The following SGCD variants were observed in gnomAD, a reference collection of about 807,000 sequenced individuals.
SGCD encodes sarcoglycan delta, also known as delta-sarcoglycan.
Under a neutral mutation model 36.6 loss-of-function variants are expected in SGCD, and 18 were observed. That is an observed-to-expected ratio of 0.49 (90% CI 0.34 to 0.73). The LOEUF is 0.73. SGCD is among the 30% of genes least tolerant of loss of function. The probability of loss-of-function intolerance (pLI) is 0.01; values close to 1 mark genes in which losing one functional copy is unlikely to be tolerated. For missense variants in SGCD, 387 were observed against 346.7 expected (o/e 1.12, Z -0.92); for synonymous variants, 133 against 130.6 (o/e 1.02, Z -0.12).
At chr5:156,479,884 A>G (rs760046955) in intron 3 of SGCD, among the ~76,000 whole-genome samples, 2 of 152,172 alleles carry the variant, frequency 1.3e-5, no homozygotes, top group Non-Finnish European at 2.9e-5. Flanking sequence ...AACACTTTCC[A>G]TAAAGAAGTT....
chr5:155,945,980 G>T (rs1757428905), intron 1 of SGCD, among the ~76,000 whole-genome samples: 1 of 152,188 alleles, frequency 6.6e-6, no homozygotes, highest in Non-Finnish European at 1.5e-5. Flanking sequence ...GAGGTGGATG[G>T]ATCGGAGAGA....
intron 1 of SGCD, among the ~76,000 whole-genome samples, chr5:156,094,204 G>A (rs1051628290): frequency 6.6e-6 from 1 of 152,162 alleles, no homozygotes; most frequent in African/African-American, 2.4e-5. Context: ...GCAGCCTTGG[G>A]AAGGGTTGCT....
chr5:156,394,941 C>T (rs1362147004), intron 3 of SGCD, among the ~76,000 whole-genome samples: 1 of 152,202 alleles, frequency 6.6e-6, no homozygotes, highest in Non-Finnish European at 1.5e-5. Context: ...AATCATATTG[C>T]ACTGGTTACT....
At chr5:155,918,737 G>T (rs1352009500) in intron 1 of SGCD, among the ~76,000 whole-genome samples, 1 of 152,172 alleles carries the variant, frequency 6.6e-6, no homozygotes, top group Non-Finnish European at 1.5e-5. Context: ...ATTAGTGCCT[G>T]CCAATAGCCA....
upstream of SGCD, among the ~76,000 whole-genome samples, chr5:155,867,552 C>T (rs1477848345): frequency 2.6e-5 from 4 of 152,176 alleles, no homozygotes. Context: ...TGCAAAGATG[C>T]ATTCCCTGAG....
intron 3 of SGCD, among the ~76,000 whole-genome samples, chr5:156,298,056 T>G (rs1468622966): frequency 6.6e-6 from 1 of 152,140 alleles, no homozygotes; most frequent in Non-Finnish European, 1.5e-5. Flanking sequence ...TTTGTGTGAC[T>G]TATTTCACTT....
chr5:155,738,835 CTG>C, the SGCD span, among the ~76,000 whole-genome samples: 646 of 134,320 alleles, frequency 4.8e-3, 1 homozygote, highest in African/African-American at 0.015. Flanking sequence ...GTGTGTGAGA[CTG>C]TGAGAGAGTA....
intron 1 of SGCD, among the ~76,000 whole-genome samples, chr5:155,975,609 C>CCTTTTTTTTTTTTTTTT (rs1758096365): frequency 3.6e-5 from 1 of 28,008 alleles, no homozygotes; most frequent in Non-Finnish European, 6.9e-5. Context: ...TCTTTCTTTC[C>CCTTTTTTTTTTTTTTTT]TTTTTTTTTT....
chr5:156,551,510 T>C (rs1336334470), intron 4 of SGCD, among the ~76,000 whole-genome samples: 1 of 152,030 alleles, frequency 6.6e-6, no homozygotes, highest in African/African-American at 2.4e-5. Context: ...GGGCAGGGTT[T>C]TGCGGGGGCA....
At chr5:156,717,592 C>T (rs1755285875) in intron 7 of SGCD, among the ~76,000 whole-genome samples, 1 of 152,224 alleles carries the variant, frequency 6.6e-6, no homozygotes, top group African/African-American at 2.4e-5. Context: ...ACACAGCAAA[C>T]AGCTGCCTAC....
chr5:156,520,669 G>GTAC (rs1757360974), intron 4 of SGCD, among the ~76,000 whole-genome samples: 1 of 152,078 alleles, frequency 6.6e-6, no homozygotes, highest in South Asian at 2.1e-4. Flanking sequence ...AAACAGCATT[G>GTAC]TACTGGTTCA....
chr5:156,527,387 T>G (rs1300210749), intron 4 of SGCD, among the ~76,000 whole-genome samples: 1 of 152,230 alleles, frequency 6.6e-6, no homozygotes, highest in Non-Finnish European at 1.5e-5. Flanking sequence ...ACCTGGAGTT[T>G]GGCTATGAAT....
chr5:155,744,435 G>A, the SGCD span, among the ~76,000 whole-genome samples: 2 of 151,890 alleles, frequency 1.3e-5, no homozygotes, highest in African/African-American at 4.8e-5. Flanking sequence ...ACTCCAGCCT[G>A]GGCGACAGAG....
At chr5:156,348,845 C>T (rs538047200) in intron 3 of SGCD, among the ~76,000 whole-genome samples, 85 of 152,192 alleles carry the variant, frequency 5.6e-4, no homozygotes, top group Admixed American at 5.4e-3. Flanking sequence ...TACCGGACTT[C>T]AAATTATACT....
intron 3 of SGCD, among the ~76,000 whole-genome samples, chr5:156,176,751 G>C (rs1161790066): frequency 2.0e-5 from 3 of 151,904 alleles, no homozygotes; most frequent in Non-Finnish European, 4.4e-5. Flanking sequence ...AAAAATTGTT[G>C]GTAAATTGCG....
chr5:156,624,705 G>T (rs1266439144), intron 6 of SGCD, among the ~76,000 whole-genome samples: 1 of 152,128 alleles, frequency 6.6e-6, no homozygotes, highest in Non-Finnish European at 1.5e-5. Flanking sequence ...TCTAGAGTAC[G>T]AGTTGAATTA....
At chr5:156,231,490 C>T (rs1296663962) in intron 3 of SGCD, among the ~76,000 whole-genome samples, 4 of 152,042 alleles carry the variant, frequency 2.6e-5, no homozygotes, top group Non-Finnish European at 4.4e-5. Flanking sequence ...GAGCTGAGAT[C>T]GCCCCACTGC....
intron 3 of SGCD, among the ~76,000 whole-genome samples, chr5:156,405,033 A>C (rs1772336005): frequency 6.6e-6 from 1 of 152,230 alleles, no homozygotes; most frequent in Non-Finnish European, 1.5e-5. Flanking sequence ...GGGAGTCACC[A>C]GCCTAATCAC....
At chr5:156,621,843 G>A (rs1227580271) in intron 6 of SGCD, among the ~76,000 whole-genome samples, 2 of 152,182 alleles carry the variant, frequency 1.3e-5, no homozygotes, top group African/African-American at 2.4e-5. Context: ...TGCTTATTCC[G>A]TAGCAGGTGT....
Sources: allele counts gnomAD v4.1 joint callset (sites outside exome capture counted in the v4.1 genomes callset), GRCh38; gene constraint gnomAD v4.1.1; transcripts MANE v1.5; gene names NCBI Gene and HGNC (gene_info 2026-07-23, HGNC 2026-07-21).